CRY1: variants seen among roughly 807,000 people sequenced by gnomAD.
CRY1 encodes the protein cryptochrome circadian regulator 1, also known as cryptochrome-1.
Under a neutral mutation model 76.0 loss-of-function variants are expected in CRY1, and 45 were observed. The observed-to-expected ratio is 0.59, with a 90% CI of 0.47 to 0.76. CRY1 has a LOEUF of 0.76. Ranked by LOEUF, CRY1 falls within the 30% of genes least tolerant of loss-of-function variation. CRY1 has a pLI of 0.00. For synonymous variants in CRY1, 248 were observed against 244.0 expected, an observed-to-expected ratio of 1.02 and a Z score of -0.15; for missense variants, 587 against 716.4, an observed-to-expected ratio of 0.82 and a Z score of 2.06.
chr12:107,017,122 T>C lies in CRY1; in HGVS notation c.267+4962A>G, dbSNP rs542785829. ...CATGAGTTAAATCATGTCACTCTTC[T>C]ACTCAAAACTCTCCAATGGCATCTA... On this transcript the variant is annotated intron_variant, in intron 2 of 12. Transcript: ENST00000008527. Among the ~76,000 whole-genome samples, 8 of 152,352 alleles carry C rather than the reference T, an allele frequency of 5.3e-5. No homozygotes were observed. The East Asian group carries it at 1.5e-3, about 29-fold the overall frequency.
intron 1 of CRY1, among the ~76,000 whole-genome samples, chr12:107,032,453 A>G (rs1211796461): frequency 6.6e-5 from 10 of 152,118 alleles, no homozygotes; most frequent in Non-Finnish European, 1.5e-4. Context: ...CACCTCAAGC[A>G]TGACAATGCG....
chr12:106,997,831 G>T (rs1646533797), intron 8 of CRY1, 84 bp downstream of exon 8: 1 of 1,549,968 alleles, frequency 6.5e-7, no homozygotes, highest in Non-Finnish European at 8.8e-7. Flanking sequence ...TCATGAGTGG[G>T]GAATACTTTA....
At chr12:106,998,649 TAA>T (rs1269730409) in intron 7 of CRY1, among the ~76,000 whole-genome samples, 3 of 118,954 alleles carry the variant, frequency 2.5e-5, no homozygotes, top group African/African-American at 7.4e-5. Flanking sequence ...CTAGGAAATA[TAA>T]GAGATTAAAC....
intron 1 of CRY1, among the ~76,000 whole-genome samples, chr12:107,064,572 C>T (rs1252533034): frequency 6.6e-6 from 1 of 152,148 alleles, no homozygotes; most frequent in Non-Finnish European, 1.5e-5. Context: ...AAATCATCAA[C>T]AGTGGAAGCA....
intron 1 of CRY1, among the ~76,000 whole-genome samples, chr12:107,063,156 T>C (rs989071071): frequency 1.2e-4 from 19 of 152,196 alleles, no homozygotes; most frequent in African/African-American, 4.1e-4. Context: ...GGAGTCTTAA[T>C]ATTCTAAGCA....
At chr12:107,075,055 G>T (rs564068228) in intron 1 of CRY1, among the ~76,000 whole-genome samples, 5 of 151,788 alleles carry the variant, frequency 3.3e-5, no homozygotes, top group Non-Finnish European at 7.4e-5. Flanking sequence ...AAAACTACTA[G>T]TGATCTCCAA....
intron 1 of CRY1, among the ~76,000 whole-genome samples, chr12:107,052,874 A>C (rs1293937540): frequency 1.3e-5 from 2 of 152,244 alleles, no homozygotes; most frequent in Admixed American, 1.3e-4. Flanking sequence ...CTTGTAGACT[A>C]TGGTAAGGGC....
intron 1 of CRY1, among the ~76,000 whole-genome samples, chr12:107,053,688 CT>C (rs1952949007): frequency 6.6e-6 from 1 of 152,136 alleles, no homozygotes; most frequent in African/African-American, 2.4e-5. Flanking sequence ...AGCTGAAAAA[CT>C]TTCAAAGCTG....
intron 1 of CRY1, among the ~76,000 whole-genome samples, chr12:107,057,952 T>A (rs1953003654): frequency 6.6e-6 from 1 of 151,318 alleles, no homozygotes; most frequent in Non-Finnish European, 1.5e-5. Context: ...TGGTCCCAGT[T>A]ACTCAGGAGG....
intron 1 of CRY1, among the ~76,000 whole-genome samples, chr12:107,041,530 C>T (rs1952799305): frequency 6.6e-6 from 1 of 152,142 alleles, no homozygotes; most frequent in African/African-American, 2.4e-5. Context: ...CTCTAAATCA[C>T]ATAACAGTAT....
At chr12:107,085,359 C>T (rs888277264) in intron 1 of CRY1, among the ~76,000 whole-genome samples, 4 of 152,140 alleles carry the variant, frequency 2.6e-5, no homozygotes, top group African/African-American at 7.2e-5. Flanking sequence ...ATGACACAGG[C>T]ACATGTATGT....
intron 1 of CRY1, among the ~76,000 whole-genome samples, chr12:107,081,825 T>A (rs993307929): frequency 6.6e-5 from 10 of 152,024 alleles, no homozygotes; most frequent in African/African-American, 2.4e-4. Flanking sequence ...TGCATTGTAC[T>A]GTCATGAGAG....
rs573853144 is a variant in CRY1, at chr12:107,081,042, A to C, written c.158+11762T>G. ...ATATAAAAAATGAGCAAAGTCTTTG[A>C]AATGGAGCACAGAAGAAGAAACTCG... is the stretch of plus-strand genomic sequence containing the variant. On this transcript the variant is annotated intron_variant, in intron 1 of 12. Coordinates refer to ENST00000008527, the MANE Select transcript of CRY1 (RefSeq NM_004075.5). Among the ~76,000 whole-genome samples the C allele has an allele frequency of 8.5e-5, 13 of 152,234 alleles. No individual in the cohort carries two copies. In the South Asian group the frequency reaches 1.9e-3, roughly 22 times the overall value.
At chr12:106,997,761 A>C (rs1295557347) in intron 8 of CRY1, 71 bp from the exon 9 acceptor site, 3 of 1,566,026 alleles carry the variant, frequency 1.9e-6, no homozygotes, top group Non-Finnish European at 2.6e-6. Flanking sequence ...GCTATGACAG[A>C]CCAAAATCAA....
At chr12:107,034,006 A>T (rs185664184) in intron 1 of CRY1, among the ~76,000 whole-genome samples, 2 of 151,720 alleles carry the variant, frequency 1.3e-5, no homozygotes, top group Admixed American at 1.3e-4. Context: ...TAAGGCTGAG[A>T]CCTGCTGAGC....
At chr12:107,019,765 A>C (rs1171961597) in intron 2 of CRY1, among the ~76,000 whole-genome samples, 1 of 152,138 alleles carries the variant, frequency 6.6e-6, no homozygotes, top group Non-Finnish European at 1.5e-5. Context: ...ACCAAACAAA[A>C]AAAAAATTAG....
At chr12:106,999,146 C>T (rs909707736) in intron 7 of CRY1, among the ~76,000 whole-genome samples, 2 of 150,654 alleles carry the variant, frequency 1.3e-5, no homozygotes, top group South Asian at 2.1e-4. Flanking sequence ...AGAAGTATTA[C>T]TAAAAAGCTG....
chr12:107,069,721 GTATA>G (rs1169739925), intron 1 of CRY1, among the ~76,000 whole-genome samples: 2 of 142,842 alleles, frequency 1.4e-5, no homozygotes, highest in Non-Finnish European at 3.0e-5. Context: ...TATATATAAA[GTATA>G]TATGTAATAT....
intron 1 of CRY1, among the ~76,000 whole-genome samples, chr12:107,060,455 C>T (rs947447427): frequency 1.3e-5 from 2 of 152,164 alleles, no homozygotes; most frequent in African/African-American, 4.8e-5. Flanking sequence ...TTGGGACTTC[C>T]CAGCCTCCAA....
Sources: gnomAD v4.1 joint callset for allele counts (sites outside exome capture counted in the v4.1 genomes callset) on GRCh38, gnomAD v4.1.1 for gene constraint, MANE v1.5 for transcripts, NCBI Gene and HGNC (gene_info 2026-07-23, HGNC 2026-07-21) for gene names.